DHX57: variants seen among roughly 807,000 people sequenced by gnomAD.
The protein encoded by DHX57 is putative ATP-dependent RNA helicase DHX57.
A neutral mutation model predicts 156.2 loss-of-function variants in DHX57; 105 were observed. The ratio of observed to expected loss-of-function variants is 0.67; its 90% CI spans 0.57 to 0.79. DHX57 has a LOEUF of 0.79. Ranked by LOEUF, DHX57 falls within the 30% of genes least tolerant of loss-of-function variation. The pLI, the probability that DHX57 is intolerant of heterozygous loss-of-function variation, is 0.00. For missense variants in DHX57, 1,847 were observed against 1,661.9 expected (o/e 1.11, Z -1.94); for synonymous variants, 704 against 595.6 (o/e 1.18, Z -2.65).
chr2:38,826,633 A>G lies in DHX57; in HGVS notation c.2696T>C (p.Phe899Ser). The change falls in exon 15 of 24, where the codon TTT (phenylalanine) becomes TCT (serine). Residue 899 changes from phenylalanine (F) to serine (S), a missense_variant. Transcript: ENST00000457308. ...AGTTACTCCTGCAGGAGGTTTTACA[A>G]ACACAGCCTGCTGCTCTTCACTGGA... ...SLSSEEQQAV[F>S]VKPPAGVTKI... is the part of the protein sequence containing the mutation. 1 of 1,614,188 alleles carries G rather than the reference A, an allele frequency of 6.2e-7. No individual in the cohort carries two copies. Among genetic ancestry groups the G allele is most frequent in the African/African-American group, 1.3e-5 (1 of 75,046 alleles).
intron 13 of DHX57, among the ~76,000 whole-genome samples, chr2:38,835,698 T>G (rs919155067): frequency 1.3e-5 from 2 of 152,194 alleles, no homozygotes; most frequent in Admixed American, 1.3e-4. Context: ...GAGAACATCA[T>G]GAAAGTCTGG....
In DHX57 at chr2:38,797,982, CAG is replaced by C. The variant is rs954533337; in HGVS notation, c.*315_*316del. The C allele has an allele frequency of 1.8e-5, 4 of 217,872 alleles. No homozygotes were observed. In the South Asian group the frequency reaches 5.4e-4, roughly 29 times the overall value. 13.5% of individuals were successfully genotyped at this position (217,872 alleles called of 1,614,324 possible). ...GAGAAAAAGAATACACAGATTAAAACAGAATTGTATTATACATTCACTTTTGA... is the reference window on the plus strand; with the variant it reads ...GAGAAAAAGAATACACAGATTAAAACAATTGTATTATACATTCACTTTTGA... On this transcript the variant is annotated 3_prime_UTR_variant, in exon 24 of 24. Coordinates refer to ENST00000457308, the MANE Select transcript of DHX57 (RefSeq NM_198963.3).
rs1482587608 is a variant in DHX57 at position 38,828,481 on chromosome 2, G to A, written c.2543-45C>T. 5.0e-6 allele frequency: 7 copies of A among 1,397,236 alleles called. No homozygotes were observed. The African/African-American group carries it at 7.4e-5, about 15-fold the overall frequency. 86.6% of individuals were successfully genotyped at this position (1,397,236 alleles called of 1,614,324 possible). On this transcript the variant is annotated intron_variant, in intron 13 of 23. Transcript: ENST00000457308. ...CAATATGTGGGTAAGCATAGGCACAGAAAAGAAACAAGAAAAATTTTTTTA... is the reference window on the plus strand; with the variant it reads ...CAATATGTGGGTAAGCATAGGCACAAAAAAGAAACAAGAAAAATTTTTTTA...
At chr2:38,805,671 C>T (rs1044105117) in intron 22 of DHX57, among the ~76,000 whole-genome samples, 1 of 152,026 alleles carries the variant, frequency 6.6e-6, no homozygotes, top group African/African-American at 2.4e-5. Context: ...CTTCAGGGTT[C>T]TGGTTTTGAT....
In DHX57 at chr2:38,816,847, G is replaced by C. The variant is rs1277456870; in HGVS notation, c.3472-1192C>G. 2.6e-5 allele frequency among the ~76,000 whole-genome samples: 4 copies of C among 152,044 alleles called. No individual in the cohort carries two copies. In the South Asian group the frequency reaches 8.3e-4, roughly 31 times the overall value. ...AATCTAAGTTGAAGTTTAGTGAAAA[G>C]ATGCAACTCTTGTTTGATGGACCTC... On this transcript the variant is annotated intron_variant, in intron 19 of 23. Transcript: ENST00000457308.
intron 21 of DHX57, chr2:38,811,658 A>G (rs1670255320): frequency 8.2e-7 from 1 of 1,226,754 alleles, no homozygotes; most frequent in South Asian, 1.2e-5. Context: ...TGAACATAGC[A>G]TCTGGGATTG....
chr2:38,811,134 T>C (rs1040030831), intron 21 of DHX57: 7 of 536,808 alleles, frequency 1.3e-5, no homozygotes, highest in African/African-American at 1.1e-4. Context: ...TTCTCGTCCA[T>C]GTTCCATGGG....
intron 10 of DHX57, 91 bp from the exon 11 acceptor site, chr2:38,847,164 T>C: frequency 9.7e-7 from 1 of 1,032,244 alleles, no homozygotes; most frequent in Non-Finnish European, 1.4e-6. Context: ...TCTTAAAGCT[T>C]GTCATGCTAA....
intron 3 of DHX57, 29 bp downstream of exon 3, chr2:38,863,332 T>C (rs1310587062): frequency 1.9e-6 from 3 of 1,597,076 alleles, no homozygotes; most frequent in Non-Finnish European, 2.6e-6. Context: ...TTCCTTAATA[T>C]AATAATTGAC....
At chr2:38,865,764 A>C (rs1665036734) in intron 2 of DHX57, among the ~76,000 whole-genome samples, 2 of 152,156 alleles carry the variant, frequency 1.3e-5, no homozygotes, top group Admixed American at 1.3e-4. Flanking sequence ...TTTAGCATTT[A>C]TCTATAGAAG....
At position 38,861,747 on chromosome 2, in the gene DHX57, A is replaced by C; in HGVS notation, c.663T>G (p.Cys221Trp). Reference sequence around the variant, plus strand: ...TCCTCTCTCCAAATGTCTCTGAAAAACACTGGGTAAGGAGATGCTCTAGTG... The same window carrying C: ...TCCTCTCTCCAAATGTCTCTGAAAACCACTGGGTAAGGAGATGCTCTAGTG... ...GASLEHLLTQ[C>W]FSETFGERMK... The change falls in exon 5 of 24, where the codon TGT (cysteine) becomes TGG (tryptophan). Residue 221 changes from cysteine (C) to tryptophan (W), a missense_variant. By Grantham distance (215) the Cys-to-Trp change is radical. Transcript: ENST00000457308. The C allele has an allele frequency of 6.2e-7, 1 of 1,614,172 alleles. No individual in the cohort carries two copies. The highest frequency in any genetic ancestry group is 8.5e-7 in the Non-Finnish European group (1 of 1,180,024).
intron 20 of DHX57, 53 bp downstream of exon 20, chr2:38,815,468 T>C (rs911978819): frequency 1.2e-6 from 2 of 1,609,058 alleles, no homozygotes; most frequent in Non-Finnish European, 1.7e-6. Flanking sequence ...CAGGTTAAGA[T>C]TGTATTTAGG....
In DHX57 at chr2:38,823,149, T is replaced by C. The variant is rs772589213; in HGVS notation, c.3135A>G (p.Ala1045=). 2.5e-6 allele frequency: 4 copies of C among 1,614,086 alleles called. No homozygotes were observed. The highest frequency in any genetic ancestry group is 2.7e-5 in the African/African-American group (2 of 74,944). The change falls in exon 17 of 24, where the codon GCA becomes GCG. Residue 1045 remains alanine (A), a synonymous_variant. Coordinates refer to ENST00000457308, the MANE Select transcript of DHX57 (RefSeq NM_198963.3). Reference sequence around the variant, plus strand: ...GGGTCAATCTTTCATCTGGAGTTAATGCTCCTAAGTCTCGTAATCGTATTT... The same window carrying C: ...GGGTCAATCTTTCATCTGGAGTTAACGCTCCTAAGTCTCGTAATCGTATTT... The part of the protein sequence containing the change: ...ASKIRLRDLG[A]LTPDERLTPL...
intron 9 of DHX57, among the ~76,000 whole-genome samples, chr2:38,850,178 A>G (rs4670266): frequency 0.59 from 89,788 of 152,102 alleles, 27,676 homozygotes; most frequent in East Asian, 0.88. Context: ...CAAAGTAAAC[A>G]TCTATATCCA....
rs1193345710 is a variant in DHX57, at chr2:38,861,603, GT to G, written c.806del (p.Asn269ThrfsTer8). 1 of 1,614,072 alleles carries G rather than the reference GT, an allele frequency of 6.2e-7. No homozygotes were observed. The highest frequency in any genetic ancestry group is 1.3e-5 in the African/African-American group (1 of 74,940). The part of the protein sequence containing the change: ...CGEKFIERIQ[N>X]RVWTIGLELE... Reference sequence around the variant, plus strand: ...GTTCTAACCCAATGGTCCAGACTCTGTTCTGAATTCTTTCTATAAATTTTTC... The same window carrying G: ...GTTCTAACCCAATGGTCCAGACTCTGTCTGAATTCTTTCTATAAATTTTTC... On this transcript the variant is annotated frameshift_variant, in exon 5 of 24. Coordinates refer to ENST00000457308, the MANE Select transcript of DHX57 (RefSeq NM_198963.3). LOFTEE classifies it high-confidence loss of function.
intron 2 of DHX57, among the ~76,000 whole-genome samples, chr2:38,865,308 C>T (rs1053408116): frequency 5.3e-5 from 8 of 152,194 alleles, no homozygotes; most frequent in South Asian, 2.1e-4. Flanking sequence ...ATGCTATTCT[C>T]GTGATAGTGA....
chr2:38,854,044 T>C lies in DHX57; in HGVS notation c.2030+10A>G, dbSNP rs763436642. On this transcript the variant is annotated intron_variant, in intron 9 of 23. Transcript: ENST00000457308. Reference sequence around the variant, plus strand: ...TGAGTGTGTGTTCCCTGGGAAAGTCTTTGTTTTACCTTTCTTCTGTCCTCT... The same window carrying C: ...TGAGTGTGTGTTCCCTGGGAAAGTCCTTGTTTTACCTTTCTTCTGTCCTCT... 6.3e-7 allele frequency: 1 copy of C among 1,599,026 alleles called. No homozygotes were observed. The highest frequency in any genetic ancestry group is 1.1e-5 in the South Asian group (1 of 88,516).
At chr2:38,834,751 C>G (rs183282749) in intron 13 of DHX57, among the ~76,000 whole-genome samples, 1 of 152,048 alleles carries the variant, frequency 6.6e-6, no homozygotes, top group African/African-American at 2.4e-5. Context: ...GGTCTATAAC[C>G]GTGGTTGCCT....
chr2:38,842,823 T>C (rs1280233164), intron 12 of DHX57, among the ~76,000 whole-genome samples, 182 bp downstream of exon 12: 1 of 152,214 alleles, frequency 6.6e-6, no homozygotes, highest in Non-Finnish European at 1.5e-5. Flanking sequence ...TTGGCAAATA[T>C]AGTAACAATT....
Sources: allele counts gnomAD v4.1 joint callset (sites outside exome capture counted in the v4.1 genomes callset), GRCh38; gene constraint gnomAD v4.1.1; transcripts MANE v1.5; gene names NCBI Gene and HGNC (gene_info 2026-07-23, HGNC 2026-07-21).